Variants in SLC14A2 observed in about 807,000 individuals in gnomAD.
SLC14A2 encodes the protein urea transporter 2.
In SLC14A2, 91 loss-of-function variants were observed where a neutral mutation model predicts 104.6. The observed-to-expected ratio is 0.87, with a 90% confidence interval of 0.73 to 1.04. SLC14A2 has a LOEUF of 1.04. SLC14A2 is among the 50% of genes least tolerant of loss of function. SLC14A2 has a pLI of 0.00. For synonymous variants in SLC14A2, 476 were observed against 466.4 expected, an observed-to-expected ratio of 1.02 and a Z score of -0.27; for missense variants, 1,189 against 1,156.0, an observed-to-expected ratio of 1.03 and a Z score of -0.41.
At chr18:45,568,270 A>C (rs1469422729) in intron 2 of SLC14A2, among the ~76,000 whole-genome samples, 1 of 152,226 alleles carries the variant, frequency 6.6e-6, no homozygotes, top group African/African-American at 2.4e-5. Context: ...TATGGCCTGC[A>C]GGACCAGGCT....
intron 1 of SLC14A2, among the ~76,000 whole-genome samples, chr18:45,215,285 C>A (rs16978306): frequency 2.6e-5 from 4 of 152,150 alleles, no homozygotes; most frequent in Admixed American, 2.6e-4. Flanking sequence ...TAGCCTTACA[C>A]GCCTGTCTTA....
intron 1 of SLC14A2, among the ~76,000 whole-genome samples, chr18:45,340,508 T>C (rs1468808815): frequency 2.6e-5 from 4 of 152,196 alleles, no homozygotes; most frequent in Admixed American, 2.6e-4. Context: ...GAAGGTAGAG[T>C]ATCTCTGATA....
At position 45,382,806 on chromosome 18, in the gene SLC14A2, A is replaced by T. The variant is rs186915326; in HGVS notation, c.-124-100427A>T. Among the ~76,000 whole-genome samples, 557 of 152,358 alleles carry T rather than the reference A, an allele frequency of 3.7e-3. 5 individuals are homozygous for T. Among genetic ancestry groups the T allele is most frequent in the African/African-American group, 0.012 (499 of 41,580 alleles). ...AGCTCTTTTGAAAACAGCTGTAGAT[A>T]TCCCTTTTTTCTATGACCATGCCAT... On this transcript the variant is annotated intron_variant, in intron 1 of 20. Transcript: ENST00000586448.
chr18:45,267,849 T>G (rs1222286023), intron 1 of SLC14A2, among the ~76,000 whole-genome samples: 1 of 152,144 alleles, frequency 6.6e-6, no homozygotes, highest in African/African-American at 2.4e-5. Flanking sequence ...TTAGCAGCAT[T>G]CAAGACTAGA....
chr18:45,210,527 G>A (rs940535468), upstream of SLC14A2, among the ~76,000 whole-genome samples: 22 of 152,288 alleles, frequency 1.4e-4, no homozygotes, highest in East Asian at 9.6e-4. Flanking sequence ...TGCAGTGAGC[G>A]ATGATTGCTC....
rs188079940 is a variant in SLC14A2, at chr18:45,305,692, C to T, written c.-125+92501C>T. On this transcript the variant is annotated intron_variant, in intron 1 of 20. Coordinates refer to the SLC14A2 transcript ENST00000586448. ...TTCTTTTATTAATTGCTGTGTGTAG[C>T]GAAGATGGTTTTTTTTTCCCCTGCC... Among the ~76,000 whole-genome samples, 53 of 152,188 alleles carry T rather than the reference C, an allele frequency of 3.5e-4. No homozygotes were observed. In the East Asian group the frequency reaches 8.3e-3, roughly 24 times the overall value.
chr18:45,220,271 CT>C (rs2143990355), intron 1 of SLC14A2, among the ~76,000 whole-genome samples: 1 of 152,322 alleles, frequency 6.6e-6, no homozygotes, highest in South Asian at 2.1e-4. Flanking sequence ...AAGTGACCAC[CT>C]TCACTGGGTT....
chr18:45,671,615 G>A (rs1439462539), intron 16 of SLC14A2, among the ~76,000 whole-genome samples: 4 of 152,098 alleles, frequency 2.6e-5, no homozygotes, highest in Non-Finnish European at 5.9e-5. Context: ...CCTGCATGGT[G>A]AGGCCAGAGC....
At chr18:45,658,034 GA>G (rs1174144603) in intron 10 of SLC14A2, among the ~76,000 whole-genome samples, 25 of 149,622 alleles carry the variant, frequency 1.7e-4, no homozygotes, top group East Asian at 2.0e-4. Context: ...ACTGGTTGTA[GA>G]AAAAAAAAAG....
chr18:45,622,432 A>C (rs1450134662), intron 1 of SLC14A2, among the ~76,000 whole-genome samples: 1 of 152,164 alleles, frequency 6.6e-6, no homozygotes, highest in African/African-American at 2.4e-5. Context: ...GTTTTGGCAA[A>C]TTAAGGCACT....
At chr18:45,558,369 C>T (rs2044159286) in intron 2 of SLC14A2, among the ~76,000 whole-genome samples, 1 of 152,280 alleles carries the variant, frequency 6.6e-6, no homozygotes, top group Non-Finnish European at 1.5e-5. Flanking sequence ...ATCACACTCA[C>T]CCCAGCTAAA....
chr18:45,556,215 T>A (rs1599000658), intron 2 of SLC14A2, among the ~76,000 whole-genome samples: 1 of 152,138 alleles, frequency 6.6e-6, no homozygotes, highest in East Asian at 1.9e-4. Context: ...CTGAATCACC[T>A]CCTAGTACCA....
intron 1 of SLC14A2, among the ~76,000 whole-genome samples, chr18:45,481,071 G>A (rs190133416): frequency 6.6e-4 from 100 of 152,222 alleles, no homozygotes; most frequent in African/African-American, 2.3e-3. Flanking sequence ...CAGGCTAAGA[G>A]AAGTTTTGTG....
chr18:45,533,203 C>T (rs1340482896), intron 2 of SLC14A2, among the ~76,000 whole-genome samples: 1 of 152,188 alleles, frequency 6.6e-6, no homozygotes, highest in Non-Finnish European at 1.5e-5. Flanking sequence ...CAGGATGAAG[C>T]TGGCCTCATA....
chr18:45,633,023 A>G (rs1364091747), intron 5 of SLC14A2, among the ~76,000 whole-genome samples: 1 of 152,190 alleles, frequency 6.6e-6, no homozygotes, highest in African/African-American at 2.4e-5. Context: ...TTTTATTGCA[A>G]TGGTAATCTT....
chr18:45,547,478 A>C (rs920677906), intron 2 of SLC14A2, among the ~76,000 whole-genome samples: 2 of 152,184 alleles, frequency 1.3e-5, no homozygotes, highest in Non-Finnish European at 2.9e-5. Flanking sequence ...CTCTGGAATA[A>C]ACTAAGCCAG....
chr18:45,525,146 CA>C (rs2043576347), intron 2 of SLC14A2, among the ~76,000 whole-genome samples: 1 of 152,080 alleles, frequency 6.6e-6, no homozygotes, highest in Non-Finnish European at 1.5e-5. Context: ...CACACACACA[CA>C]CACACACAAA....
intron 1 of SLC14A2, among the ~76,000 whole-genome samples, chr18:45,226,243 C>CTG (rs2084115280): frequency 6.6e-6 from 1 of 152,176 alleles, no homozygotes; most frequent in African/African-American, 2.4e-5. Context: ...AGTTCAACTG[C>CTG]TGTGGAAGAC....
At position 45,391,714 on chromosome 18, in the gene SLC14A2, T is replaced by A. The variant is rs533287432; in HGVS notation, c.-124-91519T>A. Reference sequence around the variant, plus strand: ...TTTTTTCATGTGTCTTTTGGCTGTATAAATGTCTTCTTTTGAGAAGTGTCT... The same window carrying A: ...TTTTTTCATGTGTCTTTTGGCTGTAAAAATGTCTTCTTTTGAGAAGTGTCT... On this transcript the variant is annotated intron_variant, in intron 1 of 20. Coordinates refer to the SLC14A2 transcript ENST00000586448. Among the ~76,000 whole-genome samples the A allele has an allele frequency of 6.6e-5, 10 of 152,384 alleles. No individual in the cohort carries two copies. In the South Asian group the frequency reaches 1.7e-3, roughly 25 times the overall value.
Sources: gnomAD v4.1 joint callset for allele counts (sites outside exome capture counted in the v4.1 genomes callset) on GRCh38, gnomAD v4.1.1 for gene constraint, MANE v1.5 for transcripts, NCBI Gene and HGNC (gene_info 2026-07-23, HGNC 2026-07-21) for gene names.